The following NOS1AP variants were observed in gnomAD, a reference collection of about 807,000 sequenced individuals.
NOS1AP encodes the protein nitric oxide synthase 1 adaptor protein.
A neutral mutation model predicts 56.2 loss-of-function variants in NOS1AP; 21 were observed. That is an observed-to-expected ratio of 0.37 (90% CI 0.26 to 0.54). The LOEUF (loss-of-function observed/expected upper bound fraction) is 0.54. NOS1AP is among the 20% of genes least tolerant of loss of function. The pLI is 0.84. For missense variants in NOS1AP, 522 were observed against 657.8 expected, an observed-to-expected ratio of 0.79 and a Z score of 2.26; for synonymous variants, 270 against 274.6, an observed-to-expected ratio of 0.98 and a Z score of 0.17.
chr1:162,259,071 C>A (rs1312416776), intron 2 of NOS1AP, among the ~76,000 whole-genome samples: 2 of 152,108 alleles, frequency 1.3e-5, no homozygotes, highest in Non-Finnish European at 2.9e-5. Flanking sequence ...CTGCGGCCTC[C>A]AATAAGGTTG....
chr1:162,114,436 G>A (rs1057145018), intron 1 of NOS1AP, among the ~76,000 whole-genome samples: 2 of 152,078 alleles, frequency 1.3e-5, no homozygotes, highest in African/African-American at 4.8e-5. Context: ...TTGACTGATT[G>A]AATCAGGCTC....
intron 8 of NOS1AP, chr1:162,365,176 T>C (rs1571249202): frequency 1.4e-6 from 2 of 1,432,066 alleles, no homozygotes; most frequent in East Asian, 5.1e-5. Flanking sequence ...TGATGCATCA[T>C]GGCCCTCCCT....
chr1:162,326,431 G>A (rs1463396068), intron 4 of NOS1AP, among the ~76,000 whole-genome samples: 1 of 152,170 alleles, frequency 6.6e-6, no homozygotes, highest in Non-Finnish European at 1.5e-5. Flanking sequence ...CAGTGAAACA[G>A]AACCAATAGG....
chr1:162,367,828 C>CGAGAT lies in NOS1AP; in HGVS notation c.*361_*362insGAGAT. 1 of 242,438 alleles carries CGAGAT rather than the reference C, an allele frequency of 4.1e-6. No homozygotes were observed. Among genetic ancestry groups the CGAGAT allele is most frequent in the Non-Finnish European group, 8.1e-6 (1 of 123,914 alleles). The allele number at this position is 242,438 out of a possible 1,614,324, so 15.0% of individuals were successfully genotyped here. A position where few individuals can be genotyped will look rare whatever the true frequency, so the allele number is the denominator to read the frequency against. ...TCCCACGCTTTGTCCGTGATGCCCC[C>CGAGAT]CTACCCCCTCACTCTCCCCGTCTCC... On this transcript the variant is annotated 3_prime_UTR_variant, in exon 10 of 10. Transcript: ENST00000361897. The surrounding 1 kb of genome is among the most constrained non-coding windows in gnomAD (Gnocchi z 6.5).
At chr1:162,098,102 CTTTTTTTTTT>C (rs35307081) in intron 1 of NOS1AP, among the ~76,000 whole-genome samples, 2 of 80,610 alleles carry the variant, frequency 2.5e-5, no homozygotes, top group Non-Finnish European at 4.6e-5. Flanking sequence ...CTCTCTTTTG[CTTTTTTTTTT>C]TTTTTTTTTT....
At chr1:162,168,429 C>A (rs1650606648) in intron 2 of NOS1AP, among the ~76,000 whole-genome samples, 1 of 152,212 alleles carries the variant, frequency 6.6e-6, no homozygotes, top group African/African-American at 2.4e-5. Context: ...TCCAAACGAA[C>A]CTGTTTCTCT....
intron 1 of NOS1AP, among the ~76,000 whole-genome samples, chr1:162,119,868 A>G (rs990005788): frequency 1.3e-5 from 2 of 152,158 alleles, no homozygotes; most frequent in Admixed American, 6.5e-5. Context: ...AGAGTGAAAC[A>G]TATTAGGGAT....
chr1:162,090,298 T>C (rs185602703), intron 1 of NOS1AP, among the ~76,000 whole-genome samples: 27 of 152,156 alleles, frequency 1.8e-4, no homozygotes, highest in African/African-American at 6.5e-4. Context: ...TTGTTGTAAA[T>C]CTGATCTAAT....
At chr1:162,320,287 G>A (rs347293) in intron 4 of NOS1AP, among the ~76,000 whole-genome samples, 152,027 of 152,314 alleles carry the variant, frequency 1, 75,872 homozygotes, top group Non-Finnish European at 1. Flanking sequence ...GGAATTCTCA[G>A]GCAAGGACTT....
intron 2 of NOS1AP, among the ~76,000 whole-genome samples, chr1:162,245,511 A>T (rs193231718): frequency 6.6e-6 from 1 of 152,180 alleles, no homozygotes; most frequent in Admixed American, 6.5e-5. Flanking sequence ...ATATGATCCA[A>T]CCATTCTACT....
intron 3 of NOS1AP, among the ~76,000 whole-genome samples, chr1:162,295,102 A>T (rs1338097087): frequency 6.6e-6 from 1 of 152,150 alleles, no homozygotes; most frequent in Non-Finnish European, 1.5e-5. Context: ...TTAGTAAATA[A>T]GCCTGTGAAG....
Position 162,069,931 on chromosome 1 carries a change from C to A in NOS1AP, c.-247C>A. ...CGCCGCCACCTCCTCCCCTGCCGCC[C>A]TCCTAGCCGGCAGGAATTGCGCGAC... On this transcript the variant is annotated 5_prime_UTR_variant, in exon 1 of 10. Transcript: ENST00000361897. 1 of 214,316 alleles carries A rather than the reference C, an allele frequency of 4.7e-6. No individual in the cohort carries two copies. Among genetic ancestry groups the A allele is most frequent in the South Asian group, 1.7e-4 (1 of 5,772 alleles). 13.3% of individuals were successfully genotyped at this position (214,316 alleles called of 1,614,324 possible). A position where few individuals can be genotyped will look rare whatever the true frequency, so the allele number is the denominator to read the frequency against.
In NOS1AP at chr1:162,080,247, C is replaced by G. The variant is rs574745000; in HGVS notation, c.105+9965C>G. Among the ~76,000 whole-genome samples, 3 of 152,300 alleles carry G rather than the reference C, an allele frequency of 2.0e-5. No individual in the cohort carries two copies. In the East Asian group the frequency reaches 5.8e-4, roughly 29 times the overall value. On this transcript the variant is annotated intron_variant, in intron 1 of 9. Transcript: ENST00000361897. The stretch of plus-strand genomic sequence containing the variant: ...AAGTTATTTAAAATGGCACTTCCAG[C>G]AAGTTCAGTGCCCAGAGGGTGCTGG...
At chr1:162,108,907 A>G (rs1425331353) in intron 1 of NOS1AP, among the ~76,000 whole-genome samples, 4 of 152,216 alleles carry the variant, frequency 2.6e-5, no homozygotes, top group Middle Eastern at 3.2e-3. Context: ...CACTGCTAAT[A>G]AAGACATACT....
intron 1 of NOS1AP, among the ~76,000 whole-genome samples, chr1:162,152,042 C>T (rs914326369): frequency 1.3e-5 from 2 of 152,184 alleles, no homozygotes; most frequent in African/African-American, 4.8e-5. Context: ...GCTGCCTCTT[C>T]TCTCCACCTG....
intron 2 of NOS1AP, among the ~76,000 whole-genome samples, chr1:162,254,059 T>C (rs921307856): frequency 6.6e-6 from 1 of 152,244 alleles, no homozygotes; most frequent in East Asian, 1.9e-4. Context: ...AAATGTACTT[T>C]AAGAATCATT....
At chr1:162,323,393 A>C (rs1019149974) in intron 4 of NOS1AP, among the ~76,000 whole-genome samples, 5 of 152,244 alleles carry the variant, frequency 3.3e-5, no homozygotes, top group African/African-American at 1.2e-4. Flanking sequence ...GTTTTAAGCT[A>C]TCCGACTTGT....
At chr1:162,270,071 A>G (rs1164060832) in intron 2 of NOS1AP, among the ~76,000 whole-genome samples, 1 of 152,238 alleles carries the variant, frequency 6.6e-6, no homozygotes, top group Non-Finnish European at 1.5e-5. Flanking sequence ...GGGGAACATT[A>G]AATGGCAACT....
chr1:162,315,265 C>G (rs1389347006), intron 4 of NOS1AP, among the ~76,000 whole-genome samples: 1 of 152,230 alleles, frequency 6.6e-6, no homozygotes, highest in Non-Finnish European at 1.5e-5. Context: ...GGAGCTGTAG[C>G]CCCTGCCTGA....
Sources: allele counts gnomAD v4.1 joint callset (sites outside exome capture counted in the v4.1 genomes callset), GRCh38; gene constraint gnomAD v4.1.1; non-coding constraint Gnocchi (gnomAD v3.1); transcripts MANE v1.5; gene names NCBI Gene and HGNC (gene_info 2026-07-23, HGNC 2026-07-21).